The following SLC35D2 variants were observed in gnomAD, a reference collection of about 807,000 sequenced individuals.
SLC35D2 encodes nucleotide sugar transporter SLC35D2.
In SLC35D2, 43 loss-of-function variants were observed where a neutral mutation model predicts 41.8. The ratio of observed to expected loss-of-function variants is 1.03; its 90% CI spans 0.81 to 1.33. The LOEUF (loss-of-function observed/expected upper bound fraction) is 1.33, where lower values mean the gene tolerates loss of function less well. Ranked by LOEUF, SLC35D2 falls within the 40% of genes most tolerant of loss-of-function variation. SLC35D2 has a pLI of 0.00. For synonymous variants in SLC35D2, 150 were observed against 163.9 expected (o/e 0.92, Z 0.65); for missense variants, 380 against 408.4 (o/e 0.93, Z 0.60).
intron 9 of SLC35D2, among the ~76,000 whole-genome samples, chr9:96,325,306 T>C (rs1828470232): frequency 6.6e-6 from 1 of 152,180 alleles, no homozygotes; most frequent in South Asian, 2.1e-4. Flanking sequence ...GATGATGGAA[T>C]GTTGAAAGGG....
At chr9:96,339,062 G>A (rs1374194885) in intron 8 of SLC35D2, among the ~76,000 whole-genome samples, 2 of 152,038 alleles carry the variant, frequency 1.3e-5, no homozygotes, top group Non-Finnish European at 2.9e-5. Flanking sequence ...TCCATTGAGG[G>A]CTATTTTGTG....
At chr9:96,346,830 TAA>T (rs71498993) in intron 6 of SLC35D2, among the ~76,000 whole-genome samples, 20 of 135,864 alleles carry the variant, frequency 1.5e-4, no homozygotes, top group Non-Finnish European at 1.6e-4. Context: ...AGTCACAATT[TAA>T]AAAAAAAAAA....
chr9:96,352,864 CCT>C lies in SLC35D2; in HGVS notation c.348-757_348-756del, dbSNP rs56133412. 3.9e-3 allele frequency among the ~76,000 whole-genome samples: 594 copies of C among 152,004 alleles called. 2 individuals are homozygous for C. The highest frequency in any genetic ancestry group is 6.8e-3 in the Non-Finnish European group (460 of 67,980). ...ACCACACTGACCAACATGGTGAAACCCTGTTTCCACTAAAAATACAAAAATTA... is the reference window on the plus strand; with the variant it reads ...ACCACACTGACCAACATGGTGAAACCGTTTCCACTAAAAATACAAAAATTA... On this transcript the variant is annotated intron_variant, in intron 4 of 11. Coordinates refer to ENST00000253270, the MANE Select transcript of SLC35D2 (RefSeq NM_007001.3).
intron 9 of SLC35D2, among the ~76,000 whole-genome samples, chr9:96,333,530 G>A (rs1828907299): frequency 6.6e-6 from 1 of 151,284 alleles, no homozygotes; most frequent in South Asian, 2.1e-4. Flanking sequence ...AGGAGGCGGT[G>A]CGTGCAGTGA....
In SLC35D2 at chr9:96,352,044, A is replaced by T. The variant is rs762109865; in HGVS notation, c.413T>A (p.Ile138Lys). 9.9e-6 allele frequency: 16 copies of T among 1,609,304 alleles called. No homozygotes were observed. The African/African-American group carries it at 2.1e-4, about 22-fold the overall frequency. Reference sequence around the variant, plus strand: ...GGAGGAAAAACAAAATCACCCAAGTATGATGGTTTCCAGAAGTAAGGTAAG... The same window carrying T: ...GGAGGAAAAACAAAATCACCCAAGTTTGATGGTTTCCAGAAGTAAGGTAAG... ...IPLTLLLETI[I>K]LGKQYSLNII... The change falls in exon 5 of 12, where the codon ATA becomes AAA. Residue 138 changes from isoleucine to lysine, a missense_variant. Physicochemically the swap from Ile to Lys is moderately radical, Grantham distance 102. Coordinates refer to ENST00000253270, the MANE Select transcript of SLC35D2 (RefSeq NM_007001.3).
chr9:96,364,404 T>TA lies in SLC35D2; in HGVS notation c.279+59dup, dbSNP rs1830398681. 12 of 1,061,602 alleles carry TA rather than the reference T, an allele frequency of 1.1e-5. No individual in the cohort carries two copies. The Middle Eastern group carries it at 7.2e-4, about 64-fold the overall frequency. The allele number at this position is 1,061,602 out of a possible 1,614,324, so 65.8% of individuals were successfully genotyped here. ...TGTGTATAGAAATTGACCTGTACTC[T>TA]AAAATCAATGTGTATTTTCACATCT... On this transcript the variant is annotated intron_variant, in intron 3 of 11. Coordinates refer to ENST00000253270, the MANE Select transcript of SLC35D2 (RefSeq NM_007001.3).
At chr9:96,336,859 G>T in intron 8 of SLC35D2, 75 bp from the exon 9 acceptor site, 1 of 853,718 alleles carries the variant, frequency 1.2e-6, no homozygotes, top group East Asian at 2.7e-5. Flanking sequence ...TTACCAAACT[G>T]CATTTTGATA....
chr9:96,370,977 A>G (rs1342162169), intron 1 of SLC35D2, among the ~76,000 whole-genome samples: 1 of 152,210 alleles, frequency 6.6e-6, no homozygotes, highest in East Asian at 1.9e-4. Flanking sequence ...CGACTGCTGA[A>G]AATGGAATGA....
rs372665048 is a variant in SLC35D2 at position 96,379,898 on chromosome 9, C to CTTTT, written c.158+3575_158+3578dup. 6.5e-4 allele frequency among the ~76,000 whole-genome samples: 88 copies of CTTTT among 135,406 alleles called. 1 individual carries two copies. Among genetic ancestry groups the CTTTT allele is most frequent in the African/African-American group, 1.6e-3 (58 of 36,604 alleles). 88.8% of individuals were successfully genotyped at this position (135,406 alleles called of 152,430 possible). A position where few individuals can be genotyped will look rare whatever the true frequency, so the allele number is the denominator to read the frequency against. The stretch of plus-strand genomic sequence containing the variant: ...AAGTTAAAGATAGAAAGGCTAGAGC[C>CTTTT]TTTTTTTTTTTTTTTTTGAGACAGA... On this transcript the variant is annotated intron_variant, in intron 1 of 11. Transcript: ENST00000253270.
intron 1 of SLC35D2, among the ~76,000 whole-genome samples, chr9:96,380,638 G>T (rs75281338): frequency 0.046 from 6,928 of 149,990 alleles, 197 homozygotes; most frequent in African/African-American, 0.08. Context: ...TTTTTTGTTT[G>T]TTTTTTTTGT....
At chr9:96,327,179 T>TA (rs1288447751) in intron 9 of SLC35D2, among the ~76,000 whole-genome samples, 11 of 152,360 alleles carry the variant, frequency 7.2e-5, no homozygotes, top group African/African-American at 2.6e-4. Context: ...ACTTTTGCTT[T>TA]AAAATTCCAA....
chr9:96,319,766 T>C (rs1047266730), downstream of SLC35D2, among the ~76,000 whole-genome samples: 1 of 152,172 alleles, frequency 6.6e-6, no homozygotes, highest in African/African-American at 2.4e-5. Context: ...TCCCAAAGTG[T>C]TGGGATTACA....
At chr9:96,355,323 AAT>A (rs1024886516) in intron 4 of SLC35D2, among the ~76,000 whole-genome samples, 16 of 151,484 alleles carry the variant, frequency 1.1e-4, no homozygotes, top group Admixed American at 5.9e-4. Context: ...CAAGCCAAAA[AAT>A]ATATATGTTT....
chr9:96,345,145 T>C (rs1189865544), intron 7 of SLC35D2, among the ~76,000 whole-genome samples, 154 bp downstream of exon 7: 11 of 152,166 alleles, frequency 7.2e-5, no homozygotes, highest in Non-Finnish European at 4.4e-5. Context: ...TCGCAAATAA[T>C]AACTTATACA....
At chr9:96,373,751 A>T (rs1421031202) in intron 1 of SLC35D2, among the ~76,000 whole-genome samples, 1 of 151,804 alleles carries the variant, frequency 6.6e-6, no homozygotes, top group Non-Finnish European at 1.5e-5. Flanking sequence ...AAGGAAACCC[A>T]GAAGTGTTTC....
chr9:96,350,114 G>A (rs747470062), intron 6 of SLC35D2, among the ~76,000 whole-genome samples: 3 of 152,022 alleles, frequency 2.0e-5, no homozygotes, highest in Admixed American at 6.6e-5. Context: ...CAGATGACAC[G>A]TAAGTAATAA....
chr9:96,322,725 T>G (rs1157969473), intron 10 of SLC35D2, among the ~76,000 whole-genome samples: 1 of 143,594 alleles, frequency 7.0e-6, no homozygotes, highest in Admixed American at 6.8e-5. Flanking sequence ...GGGTTTTTTT[T>G]TTTTTTTTTT....
intron 4 of SLC35D2, among the ~76,000 whole-genome samples, chr9:96,353,373 A>T (rs200841810): frequency 3.0e-5 from 2 of 65,800 alleles, no homozygotes; most frequent in African/African-American, 8.1e-5. Flanking sequence ...ATTTATTTAG[A>T]GATAGAGTCT....
At chr9:96,373,532 C>T (rs932897283) in intron 1 of SLC35D2, among the ~76,000 whole-genome samples, 1 of 151,840 alleles carries the variant, frequency 6.6e-6, no homozygotes, top group South Asian at 2.1e-4. Context: ...ACTGAAAATA[C>T]AAAAATTAGC....
Sources: allele counts gnomAD v4.1 joint callset (sites outside exome capture counted in the v4.1 genomes callset), GRCh38; gene constraint gnomAD v4.1.1; transcripts MANE v1.5; gene names NCBI Gene and HGNC (gene_info 2026-07-23, HGNC 2026-07-21).